The following GSG1L variants were observed in gnomAD, a reference collection of about 807,000 sequenced individuals.
GSG1L encodes the protein germ cell-specific gene 1-like protein.
Under a neutral mutation model 42.1 loss-of-function variants are expected in GSG1L, and 24 were observed. The ratio of observed to expected loss-of-function variants is 0.57; its 90% CI spans 0.41 to 0.80. GSG1L has a LOEUF of 0.80. Ranked by LOEUF, GSG1L falls within the 30% of genes least tolerant of loss-of-function variation. The probability of loss-of-function intolerance (pLI) is 0.00; values close to 1 mark genes in which losing one functional copy is unlikely to be tolerated. For missense variants in GSG1L, 445 were observed against 472.2 expected, an observed-to-expected ratio of 0.94 and a Z score of 0.53; for synonymous variants, 215 against 203.5, an observed-to-expected ratio of 1.06 and a Z score of -0.48.
At chr16:27,958,607 T>A (rs2085033169) in intron 2 of GSG1L, among the ~76,000 whole-genome samples, 1 of 152,134 alleles carries the variant, frequency 6.6e-6, no homozygotes, top group Admixed American at 6.6e-5. Flanking sequence ...AAACCATTCA[T>A]ATTAAATACC....
chr16:27,789,388 G>C lies in GSG1L; in HGVS notation c.*1982C>G, dbSNP rs1018125380. The C allele has an allele frequency of 2.7e-5, 4 of 150,596 alleles. No individual in the cohort carries two copies. Among genetic ancestry groups the C allele is most frequent in the African/African-American group, 9.8e-5 (4 of 40,906 alleles). 9.3% of individuals were successfully genotyped at this position (150,596 alleles called of 1,614,324 possible). A position where few individuals can be genotyped will look rare whatever the true frequency, so the allele number is the denominator to read the frequency against. ...GGTTGATGGATAATGGGCAGATGGA[G>C]GGATGAATGGATGAGTGGATGATGG... is the stretch of plus-strand genomic sequence containing the variant. On this transcript the variant is annotated 3_prime_UTR_variant, in exon 7 of 7. Coordinates refer to ENST00000447459, the MANE Select transcript of GSG1L (RefSeq NM_001109763.2).
Position 28,029,041 on chromosome 16 carries a change from C to T in GSG1L, c.349+34035G>A, listed in dbSNP as rs138870362. On this transcript the variant is annotated intron_variant, in intron 1 of 6. Coordinates refer to ENST00000447459, the MANE Select transcript of GSG1L (RefSeq NM_001109763.2). ...CAGATCCTCAACCTACGGAAAGCAC[C>T]TTGCCTAACACGGGATCAGGAGCTG... 9.2e-5 allele frequency among the ~76,000 whole-genome samples: 14 copies of T among 152,316 alleles called. No individual in the cohort carries two copies. The East Asian group carries it at 2.3e-3, about 25-fold the overall frequency.
intron 1 of GSG1L, among the ~76,000 whole-genome samples, chr16:28,053,473 C>G (rs1052343965): frequency 1.3e-5 from 2 of 152,188 alleles, no homozygotes; most frequent in Non-Finnish European, 2.9e-5. Context: ...CAGAGGGGGA[C>G]TGGAGGGCAG....
chr16:27,788,877 C>T lies in GSG1L; in HGVS notation c.*2493G>A, dbSNP rs1295344726. On this transcript the variant is annotated 3_prime_UTR_variant, in exon 7 of 7. Transcript: ENST00000447459. ...GGCACAGAAAGGTCAAGTAACTCGC[C>T]CAAGGTCACAAGTGGAGAAGGTGGA... 2.0e-5 allele frequency: 3 copies of T among 152,202 alleles called. No homozygotes were observed. The highest frequency in any genetic ancestry group is 2.9e-5 in the Non-Finnish European group (2 of 68,042). The allele number at this position is 152,202 out of a possible 1,614,324, so 9.4% of individuals were successfully genotyped here.
intron 1 of GSG1L, among the ~76,000 whole-genome samples, chr16:28,048,133 T>C (rs1236149698): frequency 6.6e-6 from 1 of 151,778 alleles, no homozygotes; most frequent in East Asian, 1.9e-4. Context: ...GAGGCTGAGA[T>C]GGAAGGATCA....
At chr16:27,996,011 G>A (rs1176963592) in intron 1 of GSG1L, among the ~76,000 whole-genome samples, 3 of 151,818 alleles carry the variant, frequency 2.0e-5, no homozygotes, top group African/African-American at 7.3e-5. Context: ...ACCAGCCTCG[G>A]CAACATAGTG....
intron 1 of GSG1L, among the ~76,000 whole-genome samples, chr16:28,041,480 G>C (rs186068372): frequency 1.3e-5 from 2 of 152,056 alleles, no homozygotes; most frequent in Admixed American, 1.3e-4. Flanking sequence ...TACTATATCC[G>C]GATGGAGTGC....
chr16:27,832,387 C>T (rs2083282802), intron 4 of GSG1L, among the ~76,000 whole-genome samples: 1 of 152,206 alleles, frequency 6.6e-6, no homozygotes, highest in Non-Finnish European at 1.5e-5. Flanking sequence ...TCCCTCCTGA[C>T]CTCCCACAAA....
At chr16:27,939,847 T>C (rs1198979726) in intron 2 of GSG1L, among the ~76,000 whole-genome samples, 1 of 152,160 alleles carries the variant, frequency 6.6e-6, no homozygotes. Flanking sequence ...ATTGTTGTTG[T>C]TGTTTTAACT....
intron 1 of GSG1L, among the ~76,000 whole-genome samples, chr16:27,979,665 G>GAAAGAAAGAAAGAAAGAA (rs1567542786): frequency 7.5e-4 from 28 of 37,476 alleles, no homozygotes; most frequent in African/African-American, 1.5e-3. Flanking sequence ...GAAAGAAAGA[G>GAAAGAAAGAAAGAAAGAA]AGAGAGAGAG....
chr16:27,881,502 A>C (rs2083955439), intron 3 of GSG1L, among the ~76,000 whole-genome samples: 1 of 151,922 alleles, frequency 6.6e-6, no homozygotes, highest in Admixed American at 6.6e-5. Context: ...GGCCTCTCAA[A>C]GTGCTGGGAT....
intron 3 of GSG1L, among the ~76,000 whole-genome samples, chr16:27,848,688 G>A (rs1446438036): frequency 6.6e-6 from 1 of 152,090 alleles, no homozygotes; most frequent in Admixed American, 6.6e-5. Context: ...CTAAAATAGG[G>A]CCAAGTGGTG....
chr16:27,906,583 C>G (rs543400000), intron 2 of GSG1L, among the ~76,000 whole-genome samples: 1 of 152,246 alleles, frequency 6.6e-6, no homozygotes, highest in East Asian at 1.9e-4. Context: ...TCCTGCTCCC[C>G]CTGAAATGTT....
At chr16:27,890,820 G>A (rs989640397) in intron 2 of GSG1L, among the ~76,000 whole-genome samples, 3 of 152,230 alleles carry the variant, frequency 2.0e-5, no homozygotes, top group Non-Finnish European at 4.4e-5. Context: ...GTGATTGTCA[G>A]AAGGTAGTTG....
rs1401247794 is a variant in GSG1L at position 28,063,088 on chromosome 16, G to C, written c.337C>G (p.Leu113Val). 4 of 1,432,760 alleles carry C rather than the reference G, an allele frequency of 2.8e-6. No homozygotes were observed. Among genetic ancestry groups the C allele is most frequent in the Non-Finnish European group, 3.7e-6 (4 of 1,087,500 alleles). The allele number at this position is 1,432,760 out of a possible 1,614,324, so 88.8% of individuals were successfully genotyped here. A position where few individuals can be genotyped will look rare whatever the true frequency, so the allele number is the denominator to read the frequency against. ...CGCGCGCACTCACCAAGCCCGCTGA[G>C]CTCCTCCTCGCACGAGTACCAGATG... ...TGIWYSCEEE[L>V]SGLGEKCRSF... is the part of the protein sequence containing the mutation. The change falls in exon 1 of 7, where the codon CTC becomes GTC. Residue 113 changes from leucine (L) to valine (V), a missense_variant. By Grantham distance (32) the Leu-to-Val change is conservative (BLOSUM62 1). Transcript: ENST00000447459. This position sits in a 1 kb window ranked among gnomAD's most constrained non-coding sequence, Gnocchi z 5.8.
intron 1 of GSG1L, among the ~76,000 whole-genome samples, chr16:28,029,493 A>C (rs1293418015): frequency 6.6e-6 from 1 of 152,014 alleles, no homozygotes; most frequent in Non-Finnish European, 1.5e-5. Context: ...TGATGGAAAA[A>C]TGGATGGCTG....
At chr16:27,869,213 G>A (rs1244645166) in intron 3 of GSG1L, among the ~76,000 whole-genome samples, 3 of 148,376 alleles carry the variant, frequency 2.0e-5, no homozygotes, top group African/African-American at 2.6e-5. Flanking sequence ...GGCTACAGGT[G>A]AGTGGAAGTT....
intron 3 of GSG1L, among the ~76,000 whole-genome samples, chr16:27,851,900 A>G (rs1015078051): frequency 6.6e-6 from 1 of 152,094 alleles, no homozygotes; most frequent in Non-Finnish European, 1.5e-5. Flanking sequence ...GTGGGGGTGG[A>G]CCAGAGCCCA....
chr16:27,821,204 T>C (rs2083147701), intron 5 of GSG1L, among the ~76,000 whole-genome samples: 1 of 152,206 alleles, frequency 6.6e-6, no homozygotes, highest in Admixed American at 6.5e-5. Flanking sequence ...TTTCAGCCTG[T>C]TGTTGCCATG....
Sources: gnomAD v4.1 joint callset for allele counts (sites outside exome capture counted in the v4.1 genomes callset) on GRCh38, gnomAD v4.1.1 for gene constraint, Gnocchi (gnomAD v3.1) non-coding constraint, MANE v1.5 for transcripts, NCBI Gene and HGNC (gene_info 2026-07-23, HGNC 2026-07-21) for gene names.